Variants in PLPPR1 observed in about 807,000 individuals in gnomAD.
PLPPR1 encodes the protein phospholipid phosphatase-related protein type 1.
A neutral mutation model predicts 33.1 loss-of-function variants in PLPPR1; 10 were observed. The observed-to-expected ratio is 0.30, with a 90% CI of 0.19 to 0.51. The LOEUF is 0.51. PLPPR1 is among the 20% of genes least tolerant of loss of function. PLPPR1 has a pLI of 0.97. For synonymous variants in PLPPR1, 151 were observed against 151.0 expected, an observed-to-expected ratio of 1.00 and a Z score of 0.00; for missense variants, 304 against 408.1, an observed-to-expected ratio of 0.74 and a Z score of 2.20.
At chr9:101,153,668 G>A (rs10819906) in intron 1 of PLPPR1, among the ~76,000 whole-genome samples, 22,087 of 152,050 alleles carry the variant, frequency 0.15, 1,768 homozygotes, top group East Asian at 0.3. Flanking sequence ...TCCGACTCCC[G>A]GGTTCACACC....
intron 1 of PLPPR1, among the ~76,000 whole-genome samples, chr9:101,078,004 G>A (rs1361580702): frequency 2.0e-5 from 3 of 149,524 alleles, no homozygotes; most frequent in Non-Finnish European, 4.4e-5. Flanking sequence ...GCTAATGGCC[G>A]ATAGGTGAAA....
intron 2 of PLPPR1, among the ~76,000 whole-genome samples, chr9:101,255,372 T>C (rs1827781527): frequency 6.6e-6 from 1 of 152,160 alleles, no homozygotes. Context: ...GATTGTTCCC[T>C]CTAGAAATTG....
chr9:101,249,159 G>T (rs1443663507), intron 2 of PLPPR1, among the ~76,000 whole-genome samples: 1 of 152,014 alleles, frequency 6.6e-6, no homozygotes, highest in Non-Finnish European at 1.5e-5. Context: ...AAGCCATTTG[G>T]CTTCCTACAA....
chr9:101,274,998 A>T (rs915498663), intron 3 of PLPPR1, among the ~76,000 whole-genome samples: 1 of 151,900 alleles, frequency 6.6e-6, no homozygotes, highest in Admixed American at 6.6e-5. Flanking sequence ...AGGCTTCCAA[A>T]CTCCCAAATC....
intron 2 of PLPPR1, among the ~76,000 whole-genome samples, chr9:101,214,530 G>T (rs1381681253): frequency 6.6e-6 from 1 of 152,168 alleles, no homozygotes; most frequent in African/African-American, 2.4e-5. Context: ...CATTCAGAAA[G>T]TCATTAAAAG....
At chr9:101,211,605 A>G (rs1368425963) in intron 2 of PLPPR1, among the ~76,000 whole-genome samples, 1 of 152,162 alleles carries the variant, frequency 6.6e-6, no homozygotes, top group African/African-American at 2.4e-5. Context: ...TCTGAATTCT[A>G]CTAGTTAGGC....
At chr9:101,309,105 T>A (rs1339208025) in intron 4 of PLPPR1, 106 bp from the exon 5 acceptor site, 1 of 1,158,114 alleles carries the variant, frequency 8.6e-7, no homozygotes, top group African/African-American at 1.5e-5. Flanking sequence ...GTACTTAGAA[T>A]CATTTTGATA....
chr9:101,095,061 A>G (rs1198418597), intron 1 of PLPPR1, among the ~76,000 whole-genome samples: 1 of 152,158 alleles, frequency 6.6e-6, no homozygotes, highest in Admixed American at 6.5e-5. Context: ...TAGTGACTGT[A>G]GTCAGTGTTT....
At chr9:101,115,572 T>C (rs1336077920) in intron 1 of PLPPR1, among the ~76,000 whole-genome samples, 1 of 152,226 alleles carries the variant, frequency 6.6e-6, no homozygotes, top group Admixed American at 6.5e-5. Flanking sequence ...AAGAAAATCA[T>C]TGATGTAAGA....
chr9:101,145,384 A>G (rs1280049299), intron 1 of PLPPR1, among the ~76,000 whole-genome samples: 2 of 152,090 alleles, frequency 1.3e-5, no homozygotes, highest in African/African-American at 4.8e-5. Flanking sequence ...CAATAAATCT[A>G]TACAATTTTT....
chr9:101,321,608 G>T (rs1829151444), intron 7 of PLPPR1, among the ~76,000 whole-genome samples: 1 of 151,980 alleles, frequency 6.6e-6, no homozygotes, highest in Non-Finnish European at 1.5e-5. Flanking sequence ...GCTGAGTGTT[G>T]TTCAGTTGAG....
intron 1 of PLPPR1, among the ~76,000 whole-genome samples, chr9:101,056,475 T>C (rs1400717028): frequency 6.6e-6 from 1 of 152,206 alleles, no homozygotes; most frequent in Non-Finnish European, 1.5e-5. Flanking sequence ...TGCCCCCTGA[T>C]GTAGGCTATC....
intron 1 of PLPPR1, among the ~76,000 whole-genome samples, chr9:101,071,675 T>C (rs577661371): frequency 1.7e-4 from 26 of 152,114 alleles, no homozygotes; most frequent in South Asian, 8.3e-4. Flanking sequence ...TTCAGGGGAA[T>C]GCAGCTTTCT....
At chr9:101,058,720 C>T (rs964997455) in intron 1 of PLPPR1, among the ~76,000 whole-genome samples, 7 of 151,918 alleles carry the variant, frequency 4.6e-5, no homozygotes, top group African/African-American at 1.7e-4. Context: ...ACGGGGCAGC[C>T]CCATTTTATA....
chr9:101,287,798 G>A (rs916682932), intron 4 of PLPPR1, among the ~76,000 whole-genome samples: 5 of 152,104 alleles, frequency 3.3e-5, no homozygotes, highest in Non-Finnish European at 7.3e-5. Context: ...ACTGTGCCCG[G>A]CCCCTGTAAC....
At chr9:101,271,775 G>A (rs1305911732) in intron 3 of PLPPR1, among the ~76,000 whole-genome samples, 1 of 152,130 alleles carries the variant, frequency 6.6e-6, no homozygotes, top group Non-Finnish European at 1.5e-5. Context: ...ATCCCTGAGT[G>A]ATCCATTGAC....
chr9:101,190,333 T>C (rs761895058), intron 2 of PLPPR1, among the ~76,000 whole-genome samples: 28 of 152,120 alleles, frequency 1.8e-4, no homozygotes, highest in Admixed American at 1.2e-3. Context: ...ACTACATTTT[T>C]CCCCAAGGCA....
At chr9:101,090,984 T>C (rs76699797) in intron 1 of PLPPR1, among the ~76,000 whole-genome samples, 8,007 of 151,572 alleles carry the variant, frequency 0.053, 370 homozygotes, top group African/African-American at 0.12. Flanking sequence ...CCTTTTCTTC[T>C]TCCCCCCTCC....
intron 1 of PLPPR1, among the ~76,000 whole-genome samples, chr9:101,155,348 T>C (rs1452859457): frequency 6.6e-6 from 1 of 151,980 alleles, no homozygotes; most frequent in South Asian, 2.1e-4. Flanking sequence ...GTTACAGAGG[T>C]TGGGAAGTCC....
Sources: allele counts gnomAD v4.1 joint callset (sites outside exome capture counted in the v4.1 genomes callset), GRCh38; gene constraint gnomAD v4.1.1; transcripts MANE v1.5; gene names NCBI Gene and HGNC (gene_info 2026-07-23, HGNC 2026-07-21).